KIAA0825: variants seen among roughly 807,000 people sequenced by gnomAD.
KIAA0825 encodes KIAA0825, also known as uncharacterized protein KIAA0825.
A neutral mutation model predicts 147.6 loss-of-function variants in KIAA0825; 119 were observed. The ratio of observed to expected loss-of-function variants is 0.81; its 90% CI spans 0.69 to 0.94. The LOEUF (loss-of-function observed/expected upper bound fraction) is 0.94, where lower values mean the gene tolerates loss of function less well. Among genes scored for constraint, KIAA0825 ranks in the 40% least tolerant of loss-of-function variants. The pLI is 0.00. For synonymous variants in KIAA0825, 470 were observed against 518.1 expected, an observed-to-expected ratio of 0.91 and a Z score of 1.26; for missense variants, 1,381 against 1,472.7, an observed-to-expected ratio of 0.94 and a Z score of 1.02.
intron 20 of KIAA0825, among the ~76,000 whole-genome samples, chr5:94,220,853 T>C (rs528364242): frequency 6.6e-6 from 1 of 152,258 alleles, no homozygotes; most frequent in African/African-American, 2.4e-5. Context: ...GCACTACAGG[T>C]CTTAGACCTA....
In KIAA0825 at chr5:94,153,925, G is replaced by A. The variant is rs780374581; in HGVS notation, c.*82C>T. On this transcript the variant is annotated 3_prime_UTR_variant, in exon 21 of 21. Coordinates refer to ENST00000682413, the MANE Select transcript of KIAA0825 (RefSeq NM_001145678.3). Reference sequence around the variant, plus strand: ...TTTCATGCTTCACAGCACATATGAGGTTCATTCTGACTATGGTAAAAAATC... The same window carrying A: ...TTTCATGCTTCACAGCACATATGAGATTCATTCTGACTATGGTAAAAAATC... 5.5e-6 allele frequency: 5 copies of A among 912,572 alleles called. No homozygotes were observed. The highest frequency in any genetic ancestry group is 2.1e-5 in the Admixed American group (1 of 48,734). The allele number at this position is 912,572 out of a possible 1,614,324, so 56.5% of individuals were successfully genotyped here.
chr5:94,175,173 T>C (rs912135153), intron 20 of KIAA0825, among the ~76,000 whole-genome samples: 2 of 152,156 alleles, frequency 1.3e-5, no homozygotes, highest in Non-Finnish European at 2.9e-5. Flanking sequence ...GAAATTGGCC[T>C]GCTGTTTTGT....
At position 94,453,071 on chromosome 5, in the gene KIAA0825, T is replaced by C. The variant is rs1305545002; in HGVS notation, c.2247-2A>G. On this transcript the variant is annotated splice_acceptor_variant, in intron 12 of 20. Transcript: ENST00000682413. LOFTEE classifies it high-confidence loss of function. ...TCATCCAGGCCATGCTGAAAAGTCC[T>C]AGGGAAATACAAATAATTAGTTTAG... 4 of 1,446,582 alleles carry C rather than the reference T, an allele frequency of 2.8e-6. No homozygotes were observed. The highest frequency in any genetic ancestry group is 3.7e-6 in the Non-Finnish European group (4 of 1,077,526). 89.6% of individuals were successfully genotyped at this position (1,446,582 alleles called of 1,614,324 possible).
chr5:94,360,005 G>C (rs1744845944), intron 20 of KIAA0825, among the ~76,000 whole-genome samples: 1 of 152,164 alleles, frequency 6.6e-6, no homozygotes, highest in African/African-American at 2.4e-5. Context: ...ACTATTTTCT[G>C]TTTGGGAGTT....
At chr5:94,581,419 T>A (rs1782153320) in intron 2 of KIAA0825, among the ~76,000 whole-genome samples, 1 of 152,206 alleles carries the variant, frequency 6.6e-6, no homozygotes, top group Non-Finnish European at 1.5e-5. Context: ...ATTTATCACA[T>A]GCATTTTTTA....
intron 5 of KIAA0825, among the ~76,000 whole-genome samples, chr5:94,517,031 G>T (rs1462485728): frequency 6.6e-6 from 1 of 152,122 alleles, no homozygotes; most frequent in Non-Finnish European, 1.5e-5. Context: ...AACCCAGGAG[G>T]CGGAGGTTGC....
chr5:94,224,082 C>CTTTTTTTTTTTTTTTTTTTTTTTT (rs869059424), intron 20 of KIAA0825, among the ~76,000 whole-genome samples: 6 of 56,434 alleles, frequency 1.1e-4, no homozygotes, highest in Non-Finnish European at 1.9e-4. Context: ...TTTTTCTTTT[C>CTTTTTTTTTTTTTTTTTTTTTTTT]TTTTTTTTTT....
At chr5:94,451,122 A>G (rs940140197) in intron 13 of KIAA0825, among the ~76,000 whole-genome samples, 11 of 152,206 alleles carry the variant, frequency 7.2e-5, no homozygotes, top group Non-Finnish European at 1.5e-4. Flanking sequence ...TCATCACTCT[A>G]AAAACTGAGT....
intron 20 of KIAA0825, among the ~76,000 whole-genome samples, chr5:94,303,636 A>C (rs2150182601): frequency 6.6e-6 from 1 of 152,264 alleles, no homozygotes; most frequent in African/African-American, 2.4e-5. Flanking sequence ...GTTCAAATTC[A>C]AGTTGGCAAG....
rs537168928 is a variant in KIAA0825 at position 94,451,891 on chromosome 5, G to T, written c.2357+1068C>A. 6.6e-5 allele frequency among the ~76,000 whole-genome samples: 10 copies of T among 152,284 alleles called. 1 individual carries two copies. The highest frequency in any genetic ancestry group is 2.2e-4 in the African/African-American group (9 of 41,558). ...ACAGCTTGTTTGCTTGACTCACACT[G>T]TAAGAGATCCAGTCGTTTGTTACTT... On this transcript the variant is annotated intron_variant, in intron 13 of 20. Transcript: ENST00000682413.
intron 20 of KIAA0825, among the ~76,000 whole-genome samples, chr5:94,170,768 A>G (rs942654411): frequency 6.6e-6 from 1 of 152,196 alleles, no homozygotes; most frequent in African/African-American, 2.4e-5. Context: ...GTAACTTCCA[A>G]TGTCACAAAA....
intron 13 of KIAA0825, among the ~76,000 whole-genome samples, chr5:94,447,544 G>C (rs1351669756): frequency 6.6e-6 from 1 of 152,092 alleles, no homozygotes; most frequent in East Asian, 1.9e-4. Flanking sequence ...ACAATATGAG[G>C]AAAGGGACTT....
chr5:94,233,843 C>G (rs544919125), intron 20 of KIAA0825, among the ~76,000 whole-genome samples: 1 of 152,136 alleles, frequency 6.6e-6, no homozygotes, highest in Admixed American at 6.5e-5. Flanking sequence ...TTTATTTCTC[C>G]AAGTACTCTC....
chr5:94,198,861 A>T (rs1771393830), intron 20 of KIAA0825, among the ~76,000 whole-genome samples: 2 of 152,188 alleles, frequency 1.3e-5, no homozygotes, highest in Admixed American at 1.3e-4. Flanking sequence ...TTTCAATTGT[A>T]TTATGAAATT....
rs1344314194 is a variant in KIAA0825, at chr5:94,386,327, G to A, written c.3534C>T (p.Thr1178=). ...AAGGCTGATCTTCTATACTCCTCAA[G>A]GTCGTCTTTAAAGGTCGGATGGGTA... ...KPLPIRPLKT[T]LRSIEDQPSA... Residue 1178 remains threonine, a synonymous_variant, in exon 19 of 21, where the codon ACC becomes ACT. Coordinates refer to ENST00000682413, the MANE Select transcript of KIAA0825 (RefSeq NM_001145678.3). 6.4e-7 allele frequency: 1 copy of A among 1,551,462 alleles called. No homozygotes were observed. Among genetic ancestry groups the A allele is most frequent in the African/African-American group, 1.4e-5 (1 of 73,086 alleles).
chr5:94,162,458 G>A (rs1767671533), intron 20 of KIAA0825, among the ~76,000 whole-genome samples: 1 of 151,718 alleles, frequency 6.6e-6, no homozygotes, highest in Non-Finnish European at 1.5e-5. Flanking sequence ...CACCACCGTG[G>A]CCACCTATTT....
intron 18 of KIAA0825, among the ~76,000 whole-genome samples, chr5:94,388,650 AAGAG>A (rs1288652054): frequency 1.3e-5 from 2 of 152,242 alleles, no homozygotes; most frequent in Non-Finnish European, 2.9e-5. Flanking sequence ...CTATTCAAAA[AAGAG>A]AAACTGTTCT....
At chr5:94,459,936 T>C (rs1273626564) in intron 12 of KIAA0825, among the ~76,000 whole-genome samples, 2 of 152,162 alleles carry the variant, frequency 1.3e-5, no homozygotes, top group African/African-American at 4.8e-5. Context: ...TCAGCTTTTC[T>C]TAAATTACTT....
intron 20 of KIAA0825, among the ~76,000 whole-genome samples, chr5:94,326,188 G>T (rs1780676003): frequency 6.6e-6 from 1 of 151,992 alleles, no homozygotes; most frequent in South Asian, 2.1e-4. Context: ...TATCATGCTT[G>T]TTCTGTCTCA....
Sources: allele counts gnomAD v4.1 joint callset (sites outside exome capture counted in the v4.1 genomes callset), GRCh38; gene constraint gnomAD v4.1.1; transcripts MANE v1.5; gene names NCBI Gene and HGNC (gene_info 2026-07-23, HGNC 2026-07-21).